Variants in GJC1 observed in about 807,000 individuals in gnomAD.
GJC1 encodes gap junction gamma-1 protein.
A neutral mutation model predicts 29.3 loss-of-function variants in GJC1; 5 were observed. That is an observed-to-expected ratio of 0.17 (90% confidence interval 0.09 to 0.36). GJC1 has a LOEUF of 0.36. Ranked by LOEUF, GJC1 falls within the 10% of genes least tolerant of loss-of-function variation. The probability of loss-of-function intolerance (pLI) is 1.00; values close to 1 mark genes in which losing one functional copy is unlikely to be tolerated. For synonymous variants in GJC1, 177 were observed against 183.3 expected (o/e 0.97, Z 0.28); for missense variants, 310 against 496.2 (o/e 0.62, Z 3.56).
Position 44,798,881 on chromosome 17 carries a change from TTTTA to T in GJC1, c.*5742_*5745del, listed in dbSNP as rs1349565016. ...CTCTGAAATGCAGAACTAGTACCTTTTTTATTTGAGTCTCACTCCATCACCCAAG... is the reference window on the plus strand; with the variant it reads ...CTCTGAAATGCAGAACTAGTACCTTTTTTGAGTCTCACTCCATCACCCAAG... On this transcript the variant is annotated 3_prime_UTR_variant, in exon 3 of 3. Coordinates refer to ENST00000592524, the MANE Select transcript of GJC1 (RefSeq NM_005497.4). The T allele has an allele frequency of 4.6e-5, 7 of 152,238 alleles. No homozygotes were observed. Among genetic ancestry groups the T allele is most frequent in the African/African-American group, 1.4e-4 (6 of 41,452 alleles). The allele number at this position is 152,238 out of a possible 1,614,324, so 9.4% of individuals were successfully genotyped here.
chr17:44,813,430 T>C, intron 1 of GJC1: 1 of 151,938 alleles, frequency 6.6e-6, no homozygotes, highest in Non-Finnish European at 1.5e-5. Flanking sequence ...TTTTTACCTA[T>C]TGAGTCAGTA....
chr17:44,796,247 C>G (rs997335440), downstream of GJC1, among the ~76,000 whole-genome samples: 4 of 152,344 alleles, frequency 2.6e-5, no homozygotes, highest in African/African-American at 9.6e-5. Flanking sequence ...CCCTTCCCCC[C>G]TTCCATATCA....
intron 1 of GJC1, among the ~76,000 whole-genome samples, chr17:44,829,165 C>T (rs1418129732): frequency 1.3e-5 from 2 of 151,746 alleles, no homozygotes; most frequent in Non-Finnish European, 1.5e-5. Context: ...TGCCAGTTCT[C>T]AATGAACAAA....
At chr17:44,820,326 T>G (rs560691425) in intron 1 of GJC1, among the ~76,000 whole-genome samples, 2 of 152,172 alleles carry the variant, frequency 1.3e-5, no homozygotes, top group African/African-American at 4.8e-5. Flanking sequence ...AGGCAAGAGA[T>G]TCTAATCCCA....
intron 1 of GJC1, among the ~76,000 whole-genome samples, chr17:44,815,365 T>C (rs2050030427): frequency 6.6e-6 from 1 of 152,136 alleles, no homozygotes; most frequent in South Asian, 2.1e-4. Flanking sequence ...CGTGAATATA[T>C]CCTAAATGCC....
In GJC1 at chr17:44,813,679, G is replaced by C. The variant is rs1028101823; in HGVS notation, c.-96-6210C>G. On this transcript the variant is annotated intron_variant, in intron 1 of 2. Transcript: ENST00000592524. ...AACTAATTTTTGTATTTTTAGGAGA[G>C]ACAGCGTTTCACCATGTTGGCCAGG... 7.2e-5 allele frequency among the ~76,000 whole-genome samples: 11 copies of C among 151,884 alleles called. 1 individual carries two copies. Among genetic ancestry groups the C allele is most frequent in the African/African-American group, 9.7e-5 (4 of 41,426 alleles).
intron 1 of GJC1, among the ~76,000 whole-genome samples, chr17:44,828,879 T>C (rs2050201905): frequency 6.6e-6 from 1 of 152,076 alleles, no homozygotes. Flanking sequence ...AATGACATTA[T>C]TAACGCATTT....
intron 1 of GJC1, among the ~76,000 whole-genome samples, chr17:44,812,287 T>A (rs1567710330): frequency 6.6e-6 from 1 of 152,122 alleles, no homozygotes; most frequent in South Asian, 2.1e-4. Context: ...ATTGCGCCAC[T>A]GTACTCCAGC....
intron 1 of GJC1, among the ~76,000 whole-genome samples, chr17:44,829,860 G>A (rs976679569): frequency 6.6e-6 from 1 of 151,992 alleles, no homozygotes; most frequent in African/African-American, 2.4e-5. Context: ...GTGGCAGGAC[G>A]CGGGCCGGCG....
At position 44,805,521 on chromosome 17, in the gene GJC1, A is replaced by G; in HGVS notation, c.297T>C (p.Ile99=). The change falls in exon 3 of 3, where the codon ATT becomes ATC. Residue 99 remains isoleucine (I), a synonymous_variant. Coordinates refer to ENST00000592524, the MANE Select transcript of GJC1 (RefSeq NM_005497.4). The surrounding 1 kb of genome is among the most constrained non-coding windows in gnomAD (Gnocchi z 5.1). The part of the protein sequence containing the change: ...VMYLGYAIHK[I]AKMEHGEADK... Reference sequence around the variant, plus strand: ...CTGCTTCACCGTGCTCCATTTTGGCAATCTTGTGGATAGCATAGCCCAGGT... The same window carrying G: ...CTGCTTCACCGTGCTCCATTTTGGCGATCTTGTGGATAGCATAGCCCAGGT... The G allele has an allele frequency of 6.2e-7, 1 of 1,614,190 alleles. No individual in the cohort carries two copies. The highest frequency in any genetic ancestry group is 1.1e-5 in the South Asian group (1 of 91,082).
At chr17:44,812,173 G>A (rs910546292) in intron 1 of GJC1, among the ~76,000 whole-genome samples, 2 of 151,592 alleles carry the variant, frequency 1.3e-5, no homozygotes, top group African/African-American at 4.9e-5. Context: ...AATTAGCCGG[G>A]TGTGGTGGTA....
rs113755237 is a variant in GJC1 at position 44,827,792 on chromosome 17, A to G, written c.-97+2270T>C. On this transcript the variant is annotated intron_variant, in intron 1 of 2. Coordinates refer to ENST00000592524, the MANE Select transcript of GJC1 (RefSeq NM_005497.4). ...CTAAAACTACAAAAAAAAATTAGCC[A>G]GGCGTGGTGGCGGGTACCTGTAGTC... is the stretch of plus-strand genomic sequence containing the variant. Among the ~76,000 whole-genome samples, 631 of 152,218 alleles carry G rather than the reference A, an allele frequency of 4.1e-3. 2 individuals are homozygous for G. Among genetic ancestry groups the G allele is most frequent in the African/African-American group, 0.014 (591 of 41,526 alleles).
intron 1 of GJC1, among the ~76,000 whole-genome samples, chr17:44,827,536 G>C (rs1172327690): frequency 6.6e-6 from 1 of 152,084 alleles, no homozygotes; most frequent in African/African-American, 2.4e-5. Flanking sequence ...AAAGAAATTA[G>C]CTGGGTATAC....
chr17:44,811,232 C>T (rs960656317), intron 1 of GJC1, among the ~76,000 whole-genome samples: 1 of 151,998 alleles, frequency 6.6e-6, no homozygotes, highest in Non-Finnish European at 1.5e-5. Context: ...CAGACATGTG[C>T]CACCACACCC....
At chr17:44,828,302 C>G (rs1033132003) in intron 1 of GJC1, among the ~76,000 whole-genome samples, 1 of 152,180 alleles carries the variant, frequency 6.6e-6, no homozygotes, top group Non-Finnish European at 1.5e-5. Flanking sequence ...AGGTCCTTTG[C>G]TCCTTTTTAA....
At chr17:44,796,587 G>A (rs2049784601), downstream of GJC1, among the ~76,000 whole-genome samples, 1 of 152,136 alleles carries the variant, frequency 6.6e-6, no homozygotes, top group Admixed American at 6.5e-5. Context: ...TTAAAAATGA[G>A]TGGTTTTCAA....
chr17:44,817,161 G>A (rs1006525416), intron 1 of GJC1, among the ~76,000 whole-genome samples: 7 of 151,718 alleles, frequency 4.6e-5, no homozygotes, highest in African/African-American at 1.2e-4. Flanking sequence ...AGCTGAGATC[G>A]TGCCATTGCA....
At chr17:44,819,894 G>A (rs967620784) in intron 1 of GJC1, among the ~76,000 whole-genome samples, 4 of 151,622 alleles carry the variant, frequency 2.6e-5, no homozygotes, top group African/African-American at 4.8e-5. Context: ...ATCTTGCCTC[G>A]TCACCCAGGC....
rs139582058 is a variant in GJC1 at position 44,805,405 on chromosome 17, G to A, written c.413C>T (p.Pro138Leu). 6 of 1,614,130 alleles carry A rather than the reference G, an allele frequency of 3.7e-6. No individual in the cohort carries two copies. Among genetic ancestry groups the A allele is most frequent in the East Asian group, 2.2e-5 (1 of 44,884 alleles). The part of the protein sequence containing the change: ...EETEEDNEED[P>L]MMYPEMELES... ...TAACTCCATCTCTGGATACATCATAGGATCCTCTTCGTTGTCCTCCTCCGT... is the reference window on the plus strand; with the variant it reads ...TAACTCCATCTCTGGATACATCATAAGATCCTCTTCGTTGTCCTCCTCCGT... Residue 138 changes from proline to leucine, a missense_variant, in exon 3 of 3, where the codon CCT (proline) becomes CTT (leucine). Transcript: ENST00000592524. This position sits in a 1 kb window ranked among gnomAD's most constrained non-coding sequence, Gnocchi z 5.1.
Sources: gnomAD v4.1 joint callset for allele counts (sites outside exome capture counted in the v4.1 genomes callset) on GRCh38, gnomAD v4.1.1 for gene constraint, Gnocchi (gnomAD v3.1) non-coding constraint, MANE v1.5 for transcripts, NCBI Gene and HGNC (gene_info 2026-07-23, HGNC 2026-07-21) for gene names.